Variants in RSPH9 observed in about 807,000 individuals in gnomAD.
RSPH9 encodes radial spoke head protein 9 homolog.
Under a neutral mutation model 27.0 loss-of-function variants are expected in RSPH9, and 27 were observed. The observed-to-expected ratio is 1.00, with a 90% CI of 0.74 to 1.38. RSPH9 has a LOEUF of 1.38. RSPH9 is among the 40% of genes most tolerant of loss of function. The probability of loss-of-function intolerance (pLI) is 0.00; values close to 1 mark genes in which losing one functional copy is unlikely to be tolerated. For missense variants in RSPH9, 347 were observed against 357.4 expected, an observed-to-expected ratio of 0.97 and a Z score of 0.24; for synonymous variants, 145 against 147.7, an observed-to-expected ratio of 0.98 and a Z score of 0.13.
chr6:43,653,544 G>A (rs1327109383), intron 2 of RSPH9, among the ~76,000 whole-genome samples: 1 of 151,572 alleles, frequency 6.6e-6, no homozygotes, highest in Non-Finnish European at 1.5e-5. Flanking sequence ...AAGTTAACAA[G>A]TAAGGAGCCT....
rs568444790 is a variant in RSPH9, at chr6:43,657,998, T to C, written c.670+1275T>C. ...CACATAGTAAGGACTCAAATGAAAATGAACACACCAGCCGGGTGCGGTGGC... is the reference window on the plus strand; with the variant it reads ...CACATAGTAAGGACTCAAATGAAAACGAACACACCAGCCGGGTGCGGTGGC... On this transcript the variant is annotated intron_variant, in intron 4 of 4. Coordinates refer to ENST00000372163, the MANE Select transcript of RSPH9 (RefSeq NM_152732.5). 7.9e-4 allele frequency among the ~76,000 whole-genome samples: 120 copies of C among 152,080 alleles called. 1 individual carries two copies. The South Asian group carries it at 0.013, about 16-fold the overall frequency.
rs773951327 is a variant in RSPH9 at position 43,671,838 on chromosome 6, A to G, written c.*889A>G. On this transcript the variant is annotated 3_prime_UTR_variant, in exon 5 of 5. Coordinates refer to ENST00000372163, the MANE Select transcript of RSPH9 (RefSeq NM_152732.5). ...AAGGGGTGACCCCACGGGCATGCGCACCCTGTTCCAGCGGGGGCCTTTTTT... is the reference window on the plus strand; with the variant it reads ...AAGGGGTGACCCCACGGGCATGCGCGCCCTGTTCCAGCGGGGGCCTTTTTT... 3.7e-6 allele frequency: 6 copies of G among 1,614,106 alleles called. No individual in the cohort carries two copies. The highest frequency in any genetic ancestry group is 1.6e-4 in the Middle Eastern group (1 of 6,062).
rs7750895 is a variant in RSPH9 at position 43,662,435 on chromosome 6, C to T, written c.670+5712C>T. On this transcript the variant is annotated intron_variant, in intron 4 of 4. Transcript: ENST00000372163. ...AGGCTGGAGTGCAGTGGTGCAATCT[C>T]GGCTCACTGCAAGCTCTGCCTCCCA... Among the ~76,000 whole-genome samples, 18 of 150,922 alleles carry T rather than the reference C, an allele frequency of 1.2e-4. No individual in the cohort carries two copies. In the South Asian group the frequency reaches 1.5e-3, roughly 12 times the overall value.
At chr6:43,645,571 G>A (rs919014977) in intron 1 of RSPH9, among the ~76,000 whole-genome samples, 1 of 151,422 alleles carries the variant, frequency 6.6e-6, no homozygotes, top group Non-Finnish European at 1.5e-5. Context: ...CTGAGAGGGC[G>A]GGGCAATGGA....
intron 4 of RSPH9, 139 bp from the exon 5 acceptor site, chr6:43,670,650 C>A (rs1773622641): frequency 4.5e-6 from 3 of 668,844 alleles, no homozygotes; most frequent in Non-Finnish European, 7.9e-6. Flanking sequence ...AGTAAAGCAT[C>A]TGGAGAATTA....
chr6:43,648,283 A>AG (rs1771098255), intron 1 of RSPH9, among the ~76,000 whole-genome samples: 1 of 151,800 alleles, frequency 6.6e-6, no homozygotes, highest in African/African-American at 2.4e-5. Flanking sequence ...AAAAAAAAAA[A>AG]GAATACAAGA....
chr6:43,650,649 G>A, intron 2 of RSPH9, 109 bp downstream of exon 2: 3 of 1,158,740 alleles, frequency 2.6e-6, no homozygotes, highest in East Asian at 2.4e-5. Flanking sequence ...GCTCACGCCT[G>A]TAATCTCAGC....
At chr6:43,666,509 T>G in intron 4 of RSPH9, 1 of 1,548,606 alleles carries the variant, frequency 6.5e-7, no homozygotes, top group Non-Finnish European at 8.7e-7. Flanking sequence ...ACTCCTGCTC[T>G]GTGTCCATGA....
chr6:43,670,125 T>C, intron 4 of RSPH9, among the ~76,000 whole-genome samples: 1 of 152,184 alleles, frequency 6.6e-6, no homozygotes, highest in East Asian at 1.9e-4. Context: ...AGGTATAGTG[T>C]GGGAGGAGCT....
rs1773773129 is a variant in RSPH9, at chr6:43,672,361, T to C, written c.*1412T>C. The stretch of plus-strand genomic sequence containing the variant: ...GAACTCCCCAGGGTACTATAACTGG[T>C]ATAAGACCCCTGCCCCTCACCCAAC... On this transcript the variant is annotated 3_prime_UTR_variant, in exon 5 of 5. Transcript: ENST00000372163. 2 of 472,066 alleles carry C rather than the reference T, an allele frequency of 4.2e-6. No homozygotes were observed. Among genetic ancestry groups the C allele is most frequent in the Admixed American group, 2.3e-5 (1 of 42,580 alleles). The allele number at this position is 472,066 out of a possible 1,614,324, so 29.2% of individuals were successfully genotyped here. A position where few individuals can be genotyped will look rare whatever the true frequency, so the allele number is the denominator to read the frequency against.
chr6:43,661,844 A>G (rs1052147263), intron 4 of RSPH9, among the ~76,000 whole-genome samples: 1 of 152,058 alleles, frequency 6.6e-6, no homozygotes, highest in Non-Finnish European at 1.5e-5. Context: ...TTGTACTTTT[A>G]TGTGACAGGG....
chr6:43,665,109 G>A (rs1455836116), intron 4 of RSPH9, among the ~76,000 whole-genome samples: 1 of 152,234 alleles, frequency 6.6e-6, no homozygotes, highest in African/African-American at 2.4e-5. Flanking sequence ...CAGTAGTGCT[G>A]CTTTGCCCGT....
At chr6:43,662,080 A>G (rs140557468) in intron 4 of RSPH9, among the ~76,000 whole-genome samples, 106 of 152,114 alleles carry the variant, frequency 7.0e-4, no homozygotes, top group Admixed American at 2.3e-3. Context: ...GGGTCTCCCT[A>G]TGTTGCCCAG....
rs1273147807 is a variant in RSPH9 at position 43,672,320 on chromosome 6, T to C, written c.*1371T>C. On this transcript the variant is annotated 3_prime_UTR_variant, in exon 5 of 5. Coordinates refer to ENST00000372163, the MANE Select transcript of RSPH9 (RefSeq NM_152732.5). ...CTCTTCCCCATTTGGCTCACTCAGC[T>C]ACCCCAACCTTCAGGGAACTCCCCA... 2 of 462,210 alleles carry C rather than the reference T, an allele frequency of 4.3e-6. No homozygotes were observed. Among genetic ancestry groups the C allele is most frequent in the Non-Finnish European group, 4.5e-6 (1 of 220,082 alleles). The allele number at this position is 462,210 out of a possible 1,614,324, so 28.6% of individuals were successfully genotyped here. A position where few individuals can be genotyped will look rare whatever the true frequency, so the allele number is the denominator to read the frequency against.
In RSPH9 at chr6:43,671,815, G is replaced by C. The variant is rs757156771; in HGVS notation, c.*866G>C. 1.5e-5 allele frequency: 24 copies of C among 1,614,112 alleles called. No individual in the cohort carries two copies. The highest frequency in any genetic ancestry group is 1.9e-5 in the Non-Finnish European group (23 of 1,180,034). On this transcript the variant is annotated 3_prime_UTR_variant, in exon 5 of 5. Coordinates refer to ENST00000372163, the MANE Select transcript of RSPH9 (RefSeq NM_152732.5). ...GAGTAGCAGACATTGTCCCTCAGAA[G>C]GGGTGACCCCACGGGCATGCGCACC...
At chr6:43,661,355 T>C (rs1772591993) in intron 4 of RSPH9, among the ~76,000 whole-genome samples, 1 of 152,150 alleles carries the variant, frequency 6.6e-6, no homozygotes, top group Non-Finnish European at 1.5e-5. Flanking sequence ...GACTTCTCTT[T>C]AGCTATGAAA....
At position 43,670,740 on chromosome 6, in the gene RSPH9, CTGTGG is replaced by C. The variant is rs763265177; in HGVS notation, c.671-48_671-44del. 8.3e-6 allele frequency: 13 copies of C among 1,570,402 alleles called. No homozygotes were observed. The East Asian group carries it at 2.9e-4, about 35-fold the overall frequency. ...AGGGGCCACAGCATGAAGGGCAGAG[CTGTGG>C]CTCCAGCAGCACCAGGCCTCACCTC... On this transcript the variant is annotated intron_variant, in intron 4 of 4. Transcript: ENST00000372163.
intron 4 of RSPH9, among the ~76,000 whole-genome samples, chr6:43,662,173 C>G (rs1172026850): frequency 1.3e-5 from 2 of 152,094 alleles, no homozygotes; most frequent in African/African-American, 2.4e-5. Flanking sequence ...GCAACCATGC[C>G]CAGTCAATGA....
intron 4 of RSPH9, among the ~76,000 whole-genome samples, chr6:43,668,331 G>A (rs571891403): frequency 6.6e-6 from 1 of 152,154 alleles, no homozygotes; most frequent in East Asian, 1.9e-4. Flanking sequence ...AGCTGAGCCA[G>A]GGACGATGAG....
Sources: allele counts gnomAD v4.1 joint callset (sites outside exome capture counted in the v4.1 genomes callset), GRCh38; gene constraint gnomAD v4.1.1; transcripts MANE v1.5; gene names NCBI Gene and HGNC (gene_info 2026-07-23, HGNC 2026-07-21).